TMEM18: variants seen among roughly 807,000 people sequenced by gnomAD.
TMEM18 encodes the protein transmembrane protein 18.
Under a neutral mutation model 17.4 loss-of-function variants are expected in TMEM18, and 14 were observed. The ratio of observed to expected loss-of-function variants is 0.80; its 90% CI spans 0.53 to 1.25. The LOEUF (loss-of-function observed/expected upper bound fraction) is 1.25, where lower values mean the gene tolerates loss of function less well. Among genes scored for constraint, TMEM18 ranks in the 50% most tolerant of loss-of-function variants. The pLI is 0.00. For missense variants in TMEM18, 187 were observed against 172.1 expected, an observed-to-expected ratio of 1.09 and a Z score of -0.48; for synonymous variants, 86 against 66.1, an observed-to-expected ratio of 1.30 and a Z score of -1.46.
chr2:672,302 G>A (rs1345417353), intron 3 of TMEM18, among the ~76,000 whole-genome samples: 8 of 152,200 alleles, frequency 5.3e-5, no homozygotes, highest in Admixed American at 5.2e-4. Context: ...CCCCTGGGAT[G>A]AAGCCAGGGG....
intron 1 of TMEM18, 190 bp from the exon 2 acceptor site, chr2:675,820 C>A: frequency 6.5e-7 from 1 of 1,528,764 alleles, no homozygotes; most frequent in Non-Finnish European, 8.8e-7. Context: ...GGAGAAGGAA[C>A]CAGGAGGATG....
chr2:676,800 A>G (rs1572415133), intron 1 of TMEM18: 2 of 716,028 alleles, frequency 2.8e-6, no homozygotes, highest in Admixed American at 5.5e-5. Flanking sequence ...GAATCCGCCC[A>G]CATGGCCCAA....
Position 668,718 on chromosome 2 carries a change from G to C in TMEM18, c.*862C>G, listed in dbSNP as rs1346511069. On this transcript the variant is annotated 3_prime_UTR_variant, in exon 5 of 5. Transcript: ENST00000281017. The stretch of plus-strand genomic sequence containing the variant: ...CACTGGGCAGGAGCTATTTTATAAA[G>C]TGGATATTGCAAAGTAACAGTATGC... 1 of 152,234 alleles carries C rather than the reference G, an allele frequency of 6.6e-6. No individual in the cohort carries two copies. Among genetic ancestry groups the C allele is most frequent in the Admixed American group, 6.5e-5 (1 of 15,282 alleles). 9.4% of individuals were successfully genotyped at this position (152,234 alleles called of 1,614,324 possible). A position where few individuals can be genotyped will look rare whatever the true frequency, so the allele number is the denominator to read the frequency against.
rs989864433 is a variant in TMEM18, at chr2:666,154, C to T, written c.*3426G>A. Among the ~76,000 whole-genome samples the T allele has an allele frequency of 2.6e-5, 4 of 152,226 alleles. No homozygotes were observed. Among genetic ancestry groups the T allele is most frequent in the Admixed American group, 6.5e-5 (1 of 15,268 alleles). On this transcript the variant is annotated 3_prime_UTR_variant, in exon 5 of 5. Transcript: ENST00000281017. ...GGCCCATGGAGGCTGACATCCAGCT[C>T]GCTCAGATGGAGCAGGAGCTGCTGA...
intron 2 of TMEM18, 51 bp from the exon 3 acceptor site, chr2:672,913 G>A (rs367977619): frequency 2.3e-5 from 33 of 1,437,728 alleles, no homozygotes; most frequent in Admixed American, 2.8e-5. Flanking sequence ...GTTATTACTC[G>A]TTATAAAGTT....
In TMEM18 at chr2:677,332, A is replaced by G. The variant is rs1659289838; in HGVS notation, c.14T>C (p.Phe5Ser). The G allele has an allele frequency of 6.2e-7, 1 of 1,612,454 alleles. No individual in the cohort carries two copies. Among genetic ancestry groups the G allele is most frequent in the Non-Finnish European group, 8.5e-7 (1 of 1,179,852 alleles). ...GCTGACGGGGAAAGAGCTGACAGAG[A>G]AGGCGGACGGCATGGTGTTGGGAAG... MPSA[F>S]SVSSFPVSIP... Residue 5 changes from phenylalanine (F) to serine (S), a missense_variant, in exon 1 of 5, where the codon TTC becomes TCC. Transcript: ENST00000281017.
At chr2:675,921 C>T (rs1190998940) in intron 1 of TMEM18, 18 of 1,421,966 alleles carry the variant, frequency 1.3e-5, no homozygotes, top group Non-Finnish European at 1.5e-5. Flanking sequence ...GTGCTCCTTT[C>T]GTTTGTGGAA....
At chr2:675,410 C>G (rs1678970397) in intron 2 of TMEM18, 100 bp downstream of exon 2, 7 of 1,555,348 alleles carry the variant, frequency 4.5e-6, no homozygotes, top group Non-Finnish European at 6.1e-6. Context: ...GTTGGGAGGT[C>G]TTGTAAAAAT....
chr2:672,291 T>TC (rs1416257219), intron 3 of TMEM18, among the ~76,000 whole-genome samples: 2 of 151,976 alleles, frequency 1.3e-5, no homozygotes, highest in African/African-American at 4.8e-5. Context: ...GGGTTCCGAG[T>TC]CCCCTGGGAT....
chr2:675,507 C>T lies in TMEM18; in HGVS notation c.178+3G>A, dbSNP rs759187001. ...GTTGTGGAGTTTGTGTTGTTTTACTCACCTAGACACAGAAAGTGCCCGATC... is the reference window on the plus strand; with the variant it reads ...GTTGTGGAGTTTGTGTTGTTTTACTTACCTAGACACAGAAAGTGCCCGATC... On this transcript the variant is annotated splice_donor_region_variant and intron_variant, in intron 2 of 4. Transcript: ENST00000281017. The T allele has an allele frequency of 1.2e-6, 2 of 1,614,194 alleles. No homozygotes were observed. Among genetic ancestry groups the T allele is most frequent in the Admixed American group, 3.3e-5 (2 of 60,036 alleles).
At chr2:673,562 C>T (rs13002433) in intron 2 of TMEM18, among the ~76,000 whole-genome samples, 124,348 of 152,142 alleles carry the variant, frequency 0.82, 50,927 homozygotes, top group Middle Eastern at 0.86. Flanking sequence ...TGTGATGCTT[C>T]AACTTCCAAG....
intron 3 of TMEM18, chr2:670,900 G>C (rs893874962): frequency 6.6e-6 from 1 of 152,388 alleles, no homozygotes; most frequent in East Asian, 1.9e-4. Context: ...CCAAGAGGCT[G>C]GGCAGTCGGG....
Position 665,349 on chromosome 2 carries a change from TAGAG to T in TMEM18, c.*4227_*4230del, listed in dbSNP as rs1330103297. On this transcript the variant is annotated 3_prime_UTR_variant, in exon 5 of 5. Coordinates refer to ENST00000281017, the MANE Select transcript of TMEM18 (RefSeq NM_152834.4). ...GATGCAGATGCACCACTCACTCAGA[TAGAG>T]AATCAACCCCACATAAACTAGAACC... 4.0e-4 allele frequency among the ~76,000 whole-genome samples: 55 copies of T among 136,960 alleles called. No individual in the cohort carries two copies. Among genetic ancestry groups the T allele is most frequent in the African/African-American group, 1.5e-3 (53 of 36,054 alleles). The allele number at this position is 136,960 out of a possible 152,430, so 89.9% of individuals were successfully genotyped here. A position where few individuals can be genotyped will look rare whatever the true frequency, so the allele number is the denominator to read the frequency against.
chr2:669,547 G>A lies in TMEM18; in HGVS notation c.*33C>T, dbSNP rs970609316. ...CACTGGGAGCTGCACTGGGTGGACGGGAAGGACGCAAACTCCAAGCAGCTG... is the reference window on the plus strand; with the variant it reads ...CACTGGGAGCTGCACTGGGTGGACGAGAAGGACGCAAACTCCAAGCAGCTG... On this transcript the variant is annotated 3_prime_UTR_variant, in exon 5 of 5. Coordinates refer to ENST00000281017, the MANE Select transcript of TMEM18 (RefSeq NM_152834.4). The A allele has an allele frequency of 9.9e-6, 16 of 1,609,026 alleles. No individual in the cohort carries two copies. The highest frequency in any genetic ancestry group is 1.7e-5 in the Admixed American group (1 of 59,976).
chr2:671,267 C>T (rs1293228987), intron 3 of TMEM18, among the ~76,000 whole-genome samples: 3 of 152,238 alleles, frequency 2.0e-5, no homozygotes, highest in African/African-American at 7.2e-5. Flanking sequence ...AGGTGCTGCA[C>T]CCTGGAGCTG....
At position 675,528 on chromosome 2, in the gene TMEM18, C is replaced by T. The variant is rs775233407; in HGVS notation, c.160G>A (p.Gly54Arg). The change falls in exon 2 of 5, where the codon GGG (glycine) becomes AGG (arginine). Residue 54 changes from glycine to arginine, a missense_variant. Coordinates refer to ENST00000281017, the MANE Select transcript of TMEM18 (RefSeq NM_152834.4). ...TACTCACCTAGACACAGAAAGTGCC[C>T]GATCTGTAGTCTGTAGCTTCGGGAG... ...LSSRSYRLQI[G>R]HFLCLVILVY... 7 of 1,614,076 alleles carry T rather than the reference C, an allele frequency of 4.3e-6. No homozygotes were observed. Among genetic ancestry groups the T allele is most frequent in the South Asian group, 1.1e-5 (1 of 91,088 alleles).
rs1157008409 is a variant in TMEM18, at chr2:666,473, G to A, written c.*3107C>T. On this transcript the variant is annotated 3_prime_UTR_variant, in exon 5 of 5. Coordinates refer to ENST00000281017, the MANE Select transcript of TMEM18 (RefSeq NM_152834.4). ...CCGCTGTGAAACTGGAACATCGGAG[G>A]AAGAGGAGCTAGAAAGCTTACCAGG... is the stretch of plus-strand genomic sequence containing the variant. Among the ~76,000 whole-genome samples, 1 of 152,214 alleles carries A rather than the reference G, an allele frequency of 6.6e-6. No individual in the cohort carries two copies. Among genetic ancestry groups the A allele is most frequent in the Non-Finnish European group, 1.5e-5 (1 of 68,032 alleles).
intron 1 of TMEM18, 139 bp downstream of exon 1, chr2:677,150 G>C: frequency 8.9e-7 from 1 of 1,121,542 alleles, no homozygotes; most frequent in South Asian, 1.3e-5. Flanking sequence ...TCAGGACCCT[G>C]CCCAGCGCGC....
chr2:674,854 C>A (rs1362891007), intron 2 of TMEM18, among the ~76,000 whole-genome samples: 3 of 152,248 alleles, frequency 2.0e-5, no homozygotes, highest in Non-Finnish European at 4.4e-5. Flanking sequence ...TCGTAACGCT[C>A]AGCATCAGAA....
Sources: gnomAD v4.1 joint callset for allele counts (sites outside exome capture counted in the v4.1 genomes callset) on GRCh38, gnomAD v4.1.1 for gene constraint, MANE v1.5 for transcripts, NCBI Gene and HGNC (gene_info 2026-07-23, HGNC 2026-07-21) for gene names.